CPAMD8: variants seen among roughly 807,000 people sequenced by gnomAD.
CPAMD8 encodes C3 and PZP-like alpha-2-macroglobulin domain-containing protein 8.
CPAMD8 carries 146 observed loss-of-function variants against 224.7 expected under a neutral mutation model. The observed-to-expected ratio is 0.65, with a 90% CI of 0.57 to 0.75. CPAMD8 has a LOEUF of 0.75. Ranked by LOEUF, CPAMD8 falls within the 30% of genes least tolerant of loss-of-function variation. CPAMD8 has a pLI of 0.00. For missense variants in CPAMD8, 2,301 were observed against 2,537.5 expected, an observed-to-expected ratio of 0.91 and a Z score of 2.00; for synonymous variants, 966 against 1,044.6, an observed-to-expected ratio of 0.92 and a Z score of 1.45.
chr19:16,996,770 G>T (rs2056137344), intron 11 of CPAMD8, among the ~76,000 whole-genome samples: 1 of 145,508 alleles, frequency 6.9e-6, no homozygotes, highest in Non-Finnish European at 1.5e-5. Flanking sequence ...AGTGAGCCGA[G>T]ATGGAGCCAC....
intron 17 of CPAMD8, among the ~76,000 whole-genome samples, chr19:16,974,257 G>A (rs372463295): frequency 1.4e-4 from 21 of 151,676 alleles, no homozygotes; most frequent in South Asian, 6.2e-4. Flanking sequence ...TCAGCCTCCC[G>A]AGTAGCTGGG....
chr19:16,894,215 C>T (rs1172010194), intron 41 of CPAMD8: 1 of 347,826 alleles, frequency 2.9e-6, no homozygotes, highest in Admixed American at 3.5e-5. Context: ...CCCTGCACCA[C>T]ACCGGTGACT....
chr19:16,947,771 T>C (rs1257725241), intron 20 of CPAMD8, among the ~76,000 whole-genome samples: 2 of 152,092 alleles, frequency 1.3e-5, no homozygotes, highest in African/African-American at 4.8e-5. Flanking sequence ...CATACACATG[T>C]GCATGCATGC....
In CPAMD8 at chr19:16,902,770, G is replaced by A. The variant is rs374079295; in HGVS notation, c.4564C>T (p.Pro1522Ser). The A allele has an allele frequency of 8.8e-6, 14 of 1,592,612 alleles. No individual in the cohort carries two copies. The highest frequency in any genetic ancestry group is 5.1e-6 in the Non-Finnish European group (6 of 1,165,908). ...TCAGCTGCGGAGGCAGGCATGGGGG[G>A]CGGGCGTCCCTGGGCCTCAGGCTCC... is the stretch of plus-strand genomic sequence containing the variant. ...LQEPEAQGRP[P>S]PMPASAAEGS... Residue 1522 changes from proline to serine, a missense_variant, in exon 35 of 42, where the codon CCC becomes TCC. Physicochemically the swap from Pro to Ser is moderately conservative, Grantham distance 74 (BLOSUM62 -1). This residue lies in a region of CPAMD8 where 1,709 missense variants were observed against 1,753.2 expected (regional missense o/e 0.97). Coordinates refer to ENST00000443236, the MANE Select transcript of CPAMD8 (RefSeq NM_015692.5).
In CPAMD8 at chr19:16,977,357, C is replaced by T. The variant is rs566236022; in HGVS notation, c.1758+11G>A. On this transcript the variant is annotated intron_variant, in intron 15 of 41. Transcript: ENST00000443236. ...CTGGCTGTGTCCCAGGTTCAGTGCA[C>T]GATGCTCTACCTGGTTTTCGAAGAA... is the stretch of plus-strand genomic sequence containing the variant. The T allele has an allele frequency of 4.2e-5, 67 of 1,601,966 alleles. No individual in the cohort carries two copies. In the Admixed American group the frequency reaches 5.4e-4, roughly 13 times the overall value.
Position 16,997,323 on chromosome 19 carries a change from C to A in CPAMD8, c.883G>T (p.Asp295Tyr). 6.3e-7 allele frequency: 1 copy of A among 1,579,480 alleles called. No homozygotes were observed. The highest frequency in any genetic ancestry group is 8.6e-7 in the Non-Finnish European group (1 of 1,157,778). ...ATGTCCCTCACGCAGATGTCGAAGT[C>A]CCGGGAGCCGAGGATCTGGAGGGAG... ...LRTTKILGSR[D>Y]FDICVRDMIP... is the part of the protein sequence containing the mutation. Residue 295 changes from aspartate to tyrosine, a missense_variant, in exon 11 of 42, where the codon GAC becomes TAC. Coordinates refer to ENST00000443236, the MANE Select transcript of CPAMD8 (RefSeq NM_015692.5).
chr19:16,899,438 C>T lies in CPAMD8; in HGVS notation c.4848+37G>A. 1 of 970,652 alleles carries T rather than the reference C, an allele frequency of 1.0e-6. No individual in the cohort carries two copies. Among genetic ancestry groups the T allele is most frequent in the Non-Finnish European group, 1.7e-6 (1 of 593,146 alleles). 60.1% of individuals were successfully genotyped at this position (970,652 alleles called of 1,614,324 possible). On this transcript the variant is annotated intron_variant, in intron 37 of 41. Coordinates refer to ENST00000443236, the MANE Select transcript of CPAMD8 (RefSeq NM_015692.5). The surrounding 1 kb of genome is among the most constrained non-coding windows in gnomAD (Gnocchi z 5.4). ...GGTGCACCCTCACCAACATGCACAC[C>T]AGGGAAGCCTCCTCCACCAACCCCG...
rs1216398912 is a variant in CPAMD8 at position 17,016,229 on chromosome 19, ACAGG to A, written c.267+4098_267+4101del. Among the ~76,000 whole-genome samples, 13 of 152,298 alleles carry A rather than the reference ACAGG, an allele frequency of 8.5e-5. 1 individual carries two copies. In the South Asian group the frequency reaches 1.5e-3, roughly 17 times the overall value. The stretch of plus-strand genomic sequence containing the variant: ...TTCAGCCTCCCAAGTAGCTAGGATT[ACAGG>A]CACCAGTCACTGTGCCTGGCCAAAT... On this transcript the variant is annotated intron_variant, in intron 3 of 41. Transcript: ENST00000443236.
intron 11 of CPAMD8, among the ~76,000 whole-genome samples, chr19:16,994,688 TA>T (rs35405291): frequency 0.82 from 123,611 of 151,358 alleles, 50,685 homozygotes; most frequent in African/African-American, 0.85. Flanking sequence ...TGGCTAATTT[TA>T]AAAAAAAATC....
At chr19:16,972,929 GA>G (rs2055115574) in intron 17 of CPAMD8, among the ~76,000 whole-genome samples, 1 of 152,176 alleles carries the variant, frequency 6.6e-6, no homozygotes, top group Non-Finnish European at 1.5e-5. Context: ...AGCACTTCGG[GA>G]GGCTAACGCG....
intron 3 of CPAMD8, chr19:17,013,427 C>A (rs1007410983): frequency 1.3e-5 from 2 of 151,894 alleles, no homozygotes; most frequent in Non-Finnish European, 2.9e-5. Context: ...ACACCAATCA[C>A]TTGAACCTGG....
intron 17 of CPAMD8, among the ~76,000 whole-genome samples, chr19:16,972,620 G>A (rs373851317): frequency 3.3e-5 from 5 of 152,074 alleles, no homozygotes; most frequent in African/African-American, 1.2e-4. Flanking sequence ...ATTTTTAGTA[G>A]AGACGGGGTT....
chr19:16,952,330 A>C (rs2054324590), intron 19 of CPAMD8, 130 bp from the exon 20 acceptor site: 1 of 640,156 alleles, frequency 1.6e-6, no homozygotes, highest in Non-Finnish European at 2.8e-6. Context: ...ACAAGCATTG[A>C]AGGCATCACA....
rs753084570 is a variant in CPAMD8, at chr19:16,952,131, G to A, written c.2346C>T (p.Ala782=). ...AGCCCTGAGAGGTGGACAGGGCCACGGCCTCACCCACCCAGCTGGTGATGG... is the reference window on the plus strand; with the variant it reads ...AGCCCTGAGAGGTGGACAGGGCCACAGCCTCACCCACCCAGCTGGTGATGG... ...PDSITSWVGE[A]VALSTSQGLG... Residue 782 remains alanine (A), a synonymous_variant, in exon 20 of 42, where the codon GCC becomes GCT. Coordinates refer to ENST00000443236, the MANE Select transcript of CPAMD8 (RefSeq NM_015692.5). 4.5e-6 allele frequency: 7 copies of A among 1,552,242 alleles called. No individual in the cohort carries two copies. Among genetic ancestry groups the A allele is most frequent in the African/African-American group, 4.1e-5 (3 of 73,100 alleles).
intron 6 of CPAMD8, 100 bp from the exon 7 acceptor site, chr19:17,008,659 C>T (rs2056560461): frequency 7.7e-7 from 1 of 1,304,854 alleles, no homozygotes; most frequent in Admixed American, 1.7e-5. Context: ...TTGGGCATGT[C>T]AACCATGCAG....
chr19:16,954,179 G>C (rs532822973), intron 19 of CPAMD8, among the ~76,000 whole-genome samples: 1 of 151,652 alleles, frequency 6.6e-6, no homozygotes. Flanking sequence ...CTAAAAATAC[G>C]AAAATTAGCC....
In CPAMD8 at chr19:16,923,737, G is replaced by C. The variant is rs552372696; in HGVS notation, c.3547+1459C>G. Among the ~76,000 whole-genome samples the C allele has an allele frequency of 2.3e-4, 35 of 152,314 alleles. 1 individual carries two copies. In the South Asian group the frequency reaches 6.6e-3, roughly 29 times the overall value. On this transcript the variant is annotated intron_variant, in intron 26 of 41. Transcript: ENST00000443236. The stretch of plus-strand genomic sequence containing the variant: ...CCAGCACTTTGGGAGGCCAAGGTGA[G>C]AGGATCACTTGAGGCCGGGAGTTCA...
chr19:16,932,306 A>T (rs192766717), intron 23 of CPAMD8, among the ~76,000 whole-genome samples: 6 of 152,110 alleles, frequency 3.9e-5, no homozygotes, highest in Admixed American at 2.0e-4. Flanking sequence ...TTGTAGTCCT[A>T]GCTTCTTGGG....
intron 13 of CPAMD8, among the ~76,000 whole-genome samples, chr19:16,985,678 A>ATGGATGGATGAAGGG (rs1340949435): frequency 6.7e-6 from 1 of 148,388 alleles, no homozygotes; most frequent in Non-Finnish European, 1.5e-5. Flanking sequence ...TGGAGGATGG[A>ATGGATGGATGAAGGG]TGGATGGATG....
Sources: allele counts gnomAD v4.1 joint callset (sites outside exome capture counted in the v4.1 genomes callset), GRCh38; gene constraint gnomAD v4.1.1; regional missense constraint gnomAD v4.1.1; non-coding constraint Gnocchi (gnomAD v3.1); transcripts MANE v1.5; gene names NCBI Gene and HGNC (gene_info 2026-07-23, HGNC 2026-07-21).